Variants in GRM1 observed in about 807,000 individuals in gnomAD.
GRM1 encodes metabotropic glutamate receptor 1.
In GRM1, 33 loss-of-function variants were observed where a neutral mutation model predicts 90.9. The ratio of observed to expected loss-of-function variants is 0.36; its 90% CI spans 0.28 to 0.49. The LOEUF is 0.49. GRM1 is among the 20% of genes least tolerant of loss of function. The pLI is 0.99. For synonymous variants in GRM1, 700 were observed against 613.2 expected (o/e 1.14, Z -2.09); for missense variants, 1,190 against 1,534.3 (o/e 0.78, Z 3.75).
chr6:146,364,797 A>C (rs1187221530), intron 5 of GRM1: 2 of 149,856 alleles, frequency 1.3e-5, no homozygotes, highest in African/African-American at 4.9e-5. Flanking sequence ...TTTTGGAACA[A>C]TTTAAAGGGT....
At chr6:146,192,543 AAAT>A (rs1431188829) in intron 2 of GRM1, among the ~76,000 whole-genome samples, 3 of 152,200 alleles carry the variant, frequency 2.0e-5, no homozygotes, top group East Asian at 3.9e-4. Flanking sequence ...TATGAAATTA[AAAT>A]AATGATTGTC....
intron 1 of GRM1, among the ~76,000 whole-genome samples, chr6:146,106,590 C>T (rs1236045826): frequency 6.6e-6 from 1 of 152,150 alleles, no homozygotes; most frequent in East Asian, 1.9e-4. Flanking sequence ...TTTTTTGTAA[C>T]CATTGATTTT....
At chr6:146,312,029 C>G (rs1309268580) in intron 3 of GRM1, among the ~76,000 whole-genome samples, 1 of 151,776 alleles carries the variant, frequency 6.6e-6, no homozygotes, top group Admixed American at 6.6e-5. Context: ...TCTGCTGATG[C>G]AATTGTTACA....
intron 2 of GRM1, among the ~76,000 whole-genome samples, chr6:146,266,152 G>A (rs1781878840): frequency 6.6e-6 from 1 of 151,936 alleles, no homozygotes; most frequent in Admixed American, 6.6e-5. Flanking sequence ...TTGCACCACT[G>A]CACTCCAACC....
chr6:146,315,128 C>T (rs1783922520), intron 3 of GRM1, among the ~76,000 whole-genome samples: 1 of 152,108 alleles, frequency 6.6e-6, no homozygotes, highest in African/African-American at 2.4e-5. Context: ...CACCAATGAG[C>T]TGTGTGAGGC....
intron 1 of GRM1, among the ~76,000 whole-genome samples, chr6:146,112,899 C>CA (rs1363370118): frequency 6.6e-6 from 1 of 152,096 alleles, no homozygotes; most frequent in East Asian, 1.9e-4. Flanking sequence ...CATTTAAAAA[C>CA]ATTTGTTTGA....
At chr6:146,223,602 T>C (rs1780142708) in intron 2 of GRM1, among the ~76,000 whole-genome samples, 1 of 151,870 alleles carries the variant, frequency 6.6e-6, no homozygotes, top group African/African-American at 2.4e-5. Context: ...AAAATGCCAA[T>C]TTTTTTTCAG....
At chr6:146,072,657 C>T (rs866699884) in intron 1 of GRM1, among the ~76,000 whole-genome samples, 14 of 151,698 alleles carry the variant, frequency 9.2e-5, no homozygotes, top group Admixed American at 1.3e-4. Flanking sequence ...TAGGAATATA[C>T]GTTGAAATAT....
intron 5 of GRM1, among the ~76,000 whole-genome samples, chr6:146,378,865 A>AGT (rs1456779935): frequency 6.6e-6 from 1 of 152,152 alleles, no homozygotes; most frequent in African/African-American, 2.4e-5. Flanking sequence ...TTCTTGTGAT[A>AGT]GTGAAGAAGT....
intron 1 of GRM1, among the ~76,000 whole-genome samples, chr6:146,140,090 A>ATTGTTTCT (rs1776795874): frequency 3.5e-5 from 2 of 57,838 alleles, no homozygotes; most frequent in Non-Finnish European, 6.2e-5. Context: ...TTCTTTCTTT[A>ATTGTTTCT]TTCTTTCTTT....
chr6:146,247,779 G>A (rs902923023), intron 2 of GRM1, among the ~76,000 whole-genome samples: 9 of 137,074 alleles, frequency 6.6e-5, no homozygotes, highest in Non-Finnish European at 1.4e-4. Flanking sequence ...AAATGTGTGT[G>A]GTGTGTGTGT....
chr6:146,029,175 T>C lies in GRM1; in HGVS notation c.-343T>C. ...GGTCCTCTGATGACAAGGTTGTGAT[T>C]TTTCTCTGTCTTTTGTCAGCAGCAT... On this transcript the variant is annotated 5_prime_UTR_variant, in exon 1 of 8. Coordinates refer to ENST00000282753, the MANE Select transcript of GRM1 (RefSeq NM_001278064.2). The C allele has an allele frequency of 2.6e-6, 1 of 384,002 alleles. No homozygotes were observed. Among genetic ancestry groups the C allele is most frequent in the South Asian group, 2.3e-5 (1 of 42,560 alleles). 23.8% of individuals were successfully genotyped at this position (384,002 alleles called of 1,614,324 possible). A position where few individuals can be genotyped will look rare whatever the true frequency, so the allele number is the denominator to read the frequency against.
chr6:146,121,871 A>G (rs1776001857), intron 1 of GRM1, among the ~76,000 whole-genome samples: 1 of 152,202 alleles, frequency 6.6e-6, no homozygotes, highest in Non-Finnish European at 1.5e-5. Flanking sequence ...CAATTTTGGA[A>G]TAAGTGCAAT....
intron 3 of GRM1, among the ~76,000 whole-genome samples, chr6:146,344,131 T>C (rs1013635258): frequency 6.6e-6 from 1 of 152,226 alleles, no homozygotes; most frequent in Non-Finnish European, 1.5e-5. Context: ...TTATTCTAGC[T>C]TTCTCCTTTT....
intron 2 of GRM1, among the ~76,000 whole-genome samples, chr6:146,215,345 C>A (rs1779831748): frequency 6.6e-6 from 1 of 152,086 alleles, no homozygotes; most frequent in African/African-American, 2.4e-5. Flanking sequence ...CAGTATTTCT[C>A]TTTTTTTGTC....
chr6:146,175,528 A>G (rs769285643), intron 2 of GRM1, among the ~76,000 whole-genome samples: 15 of 152,106 alleles, frequency 9.9e-5, no homozygotes, highest in Admixed American at 5.2e-4. Context: ...TTTCCATGTG[A>G]CTTTGAGGAG....
At chr6:146,417,288 T>G (rs1341550155) in intron 7 of GRM1, among the ~76,000 whole-genome samples, 1 of 152,166 alleles carries the variant, frequency 6.6e-6, no homozygotes, top group Non-Finnish European at 1.5e-5. Flanking sequence ...TTAAAAAAAT[T>G]TATCTGGTTT....
At chr6:146,308,989 A>T (rs192447789) in intron 3 of GRM1, among the ~76,000 whole-genome samples, 56 of 152,262 alleles carry the variant, frequency 3.7e-4, no homozygotes, top group African/African-American at 1.3e-3. Context: ...ATTTTCAAAA[A>T]TGTTGCAGTG....
intron 2 of GRM1, among the ~76,000 whole-genome samples, chr6:146,222,427 A>C (rs1780096033): frequency 6.6e-6 from 1 of 151,984 alleles, no homozygotes; most frequent in Non-Finnish European, 1.5e-5. Flanking sequence ...GTATGTGTGC[A>C]TGTGTGCAAA....
Sources: gnomAD v4.1 joint callset for allele counts (sites outside exome capture counted in the v4.1 genomes callset) on GRCh38, gnomAD v4.1.1 for gene constraint, MANE v1.5 for transcripts, NCBI Gene and HGNC (gene_info 2026-07-23, HGNC 2026-07-21) for gene names.